The following ASIC2 variants were observed in gnomAD, a reference collection of about 807,000 sequenced individuals.
The protein encoded by ASIC2 is acid sensing ion channel subunit 2.
In ASIC2, 25 loss-of-function variants were observed where a neutral mutation model predicts 57.3. The ratio of observed to expected loss-of-function variants is 0.44; its 90% confidence interval spans 0.32 to 0.61. The LOEUF (loss-of-function observed/expected upper bound fraction) is 0.61. Ranked by LOEUF, ASIC2 falls within the 20% of genes least tolerant of loss-of-function variation. The pLI, the probability that ASIC2 is intolerant of heterozygous loss-of-function variation, is 0.06. For synonymous variants in ASIC2, 319 were observed against 307.5 expected, an observed-to-expected ratio of 1.04 and a Z score of -0.39; for missense variants, 641 against 738.1, an observed-to-expected ratio of 0.87 and a Z score of 1.52.
At chr17:33,629,319 A>G (rs1906087539) in intron 1 of ASIC2, among the ~76,000 whole-genome samples, 1 of 35,098 alleles carries the variant, frequency 2.8e-5, no homozygotes, top group Non-Finnish European at 5.1e-5. Flanking sequence ...GCTTCAAATT[A>G]GAAGGCACTT....
chr17:33,028,110 C>A, intron 4 of ASIC2, 132 bp downstream of exon 4: 5 of 1,293,830 alleles, frequency 3.9e-6, no homozygotes, highest in Non-Finnish European at 5.3e-6. Context: ...CACCAAATAA[C>A]AGAGTCTTCC....
intron 1 of ASIC2, among the ~76,000 whole-genome samples, chr17:34,122,262 G>A (rs189481276): frequency 7.0e-4 from 107 of 152,282 alleles, no homozygotes; most frequent in Admixed American, 2.2e-3. Flanking sequence ...GAGTCTCAAC[G>A]AGATTAAATA....
At chr17:33,876,926 T>C (rs1914561223) in intron 1 of ASIC2, among the ~76,000 whole-genome samples, 1 of 152,230 alleles carries the variant, frequency 6.6e-6, no homozygotes, top group Non-Finnish European at 1.5e-5. Context: ...TACTTTTGCT[T>C]TCCTGAGCCT....
At chr17:33,497,463 G>A (rs779405157) in intron 1 of ASIC2, among the ~76,000 whole-genome samples, 5 of 152,252 alleles carry the variant, frequency 3.3e-5, no homozygotes, top group Non-Finnish European at 7.3e-5. Context: ...GAAGGGCCCT[G>A]AGGGGAAGGT....
At chr17:33,328,777 G>C (rs1421924531) in intron 1 of ASIC2, among the ~76,000 whole-genome samples, 1 of 152,100 alleles carries the variant, frequency 6.6e-6, no homozygotes, top group East Asian at 1.9e-4. Context: ...CTTCAGCACA[G>C]TTGTTGTTTA....
intron 1 of ASIC2, among the ~76,000 whole-genome samples, chr17:34,109,959 AG>A (rs1911210637): frequency 6.6e-6 from 1 of 151,682 alleles, no homozygotes; most frequent in African/African-American, 2.4e-5. Flanking sequence ...TGTGTGTGAG[AG>A]AGAAAGAGAG....
chr17:34,122,399 G>A (rs1224775274), intron 1 of ASIC2, among the ~76,000 whole-genome samples: 1 of 152,170 alleles, frequency 6.6e-6, no homozygotes, highest in South Asian at 2.1e-4. Flanking sequence ...TCAAAGTCTC[G>A]CAATTAAAAG....
At chr17:33,015,688 G>T (rs2141890204) in intron 9 of ASIC2, among the ~76,000 whole-genome samples, 1 of 152,332 alleles carries the variant, frequency 6.6e-6, no homozygotes, top group African/African-American at 2.4e-5. Flanking sequence ...GATGGGGGAA[G>T]CAGCTGTCTG....
chr17:34,021,311 C>A (rs1000399701), intron 1 of ASIC2, among the ~76,000 whole-genome samples: 1 of 152,092 alleles, frequency 6.6e-6, no homozygotes, highest in African/African-American at 2.4e-5. Flanking sequence ...CAGGGCCCTG[C>A]AATCTTGCAT....
upstream of ASIC2, among the ~76,000 whole-genome samples, chr17:33,294,504 C>T (rs780043024): frequency 2.0e-5 from 3 of 152,052 alleles, no homozygotes; most frequent in Non-Finnish European, 4.4e-5. Context: ...ACCCTTACAG[C>T]GTGATGACTC....
In ASIC2 at chr17:33,485,190, T is replaced by A. The variant is rs1412701715; in HGVS notation, c.556-373123A>T. ...CTAAAAGGTTAAGACTATTGGCTCC[T>A]AAGAGTTCATCATCAGTTCATCAGA... On this transcript the variant is annotated intron_variant, in intron 1 of 9. Coordinates refer to the ASIC2 transcript ENST00000359872. Among the ~76,000 whole-genome samples the A allele has an allele frequency of 4.6e-5, 7 of 152,274 alleles. No individual in the cohort carries two copies. The East Asian group carries it at 1.2e-3, about 25-fold the overall frequency.
At chr17:33,808,291 T>C (rs1029401869) in intron 1 of ASIC2, among the ~76,000 whole-genome samples, 23 of 152,354 alleles carry the variant, frequency 1.5e-4, no homozygotes, top group Middle Eastern at 3.4e-3. Context: ...TGGTCTTTTC[T>C]CCATTATATT....
chr17:34,053,125 C>T (rs2142055034), intron 1 of ASIC2, among the ~76,000 whole-genome samples: 1 of 152,300 alleles, frequency 6.6e-6, no homozygotes, highest in Admixed American at 6.5e-5. Context: ...AACCACTGAT[C>T]AACCCCTAAG....
At chr17:33,283,135 G>T (rs1352668219) in intron 1 of ASIC2, among the ~76,000 whole-genome samples, 2 of 152,274 alleles carry the variant, frequency 1.3e-5, no homozygotes, top group Middle Eastern at 3.4e-3. Context: ...TTCTGATATT[G>T]CACATTCTCT....
At chr17:33,613,789 G>A (rs1445149271) in intron 1 of ASIC2, among the ~76,000 whole-genome samples, 2 of 152,110 alleles carry the variant, frequency 1.3e-5, no homozygotes, top group South Asian at 2.1e-4. Flanking sequence ...CAGCACCCAC[G>A]GGTCTTTCTC....
chr17:33,741,665 T>C (rs1910116329), intron 1 of ASIC2, among the ~76,000 whole-genome samples: 2 of 152,202 alleles, frequency 1.3e-5, no homozygotes, highest in African/African-American at 2.4e-5. Context: ...GCTTCTAAAA[T>C]GTTTGTGTTT....
At chr17:33,463,598 C>A (rs1238891992) in intron 1 of ASIC2, among the ~76,000 whole-genome samples, 1 of 152,196 alleles carries the variant, frequency 6.6e-6, no homozygotes, top group African/African-American at 2.4e-5. Context: ...CTACTCCATG[C>A]AATCTGCCTG....
intron 1 of ASIC2, among the ~76,000 whole-genome samples, chr17:33,254,762 G>A (rs920047341): frequency 2.0e-5 from 3 of 152,118 alleles, no homozygotes. Flanking sequence ...CAGGAATAAT[G>A]CTTACATTGT....
intron 1 of ASIC2, among the ~76,000 whole-genome samples, chr17:33,886,000 A>C (rs1914820824): frequency 6.6e-6 from 1 of 152,232 alleles, no homozygotes; most frequent in Non-Finnish European, 1.5e-5. Context: ...CCTTGCATAA[A>C]GTAGACAGCA....
Sources: gnomAD v4.1 joint callset for allele counts (sites outside exome capture counted in the v4.1 genomes callset) on GRCh38, gnomAD v4.1.1 for gene constraint, MANE v1.5 for transcripts, NCBI Gene and HGNC (gene_info 2026-07-23, HGNC 2026-07-21) for gene names.